Variants in SESN1 observed in about 807,000 individuals in gnomAD.
The protein encoded by SESN1 is sestrin-1.
In SESN1, 30 loss-of-function variants were observed where a neutral mutation model predicts 59.3. That is an observed-to-expected ratio of 0.51 (90% CI 0.38 to 0.69). SESN1 has a LOEUF of 0.69. Among genes scored for constraint, SESN1 ranks in the 30% least tolerant of loss-of-function variants. The pLI, the probability that SESN1 is intolerant of heterozygous loss-of-function variation, is 0.00. For missense variants in SESN1, 566 were observed against 673.0 expected (o/e 0.84, Z 1.76); for synonymous variants, 197 against 219.9 (o/e 0.90, Z 0.92).
intron 1 of SESN1, among the ~76,000 whole-genome samples, chr6:109,004,648 T>C (rs1779694017): frequency 6.6e-6 from 1 of 152,256 alleles, no homozygotes; most frequent in Admixed American, 6.5e-5. Flanking sequence ...GCCAGGATGG[T>C]CTCAATCTCC....
chr6:109,006,969 A>G (rs1431684697), intron 1 of SESN1, among the ~76,000 whole-genome samples: 1 of 152,234 alleles, frequency 6.6e-6, no homozygotes, highest in East Asian at 1.9e-4. Context: ...ACTGCCACCA[A>G]CAAATGGCCT....
intron 1 of SESN1, among the ~76,000 whole-genome samples, chr6:109,041,685 C>G (rs959560611): frequency 9.9e-5 from 15 of 151,432 alleles, no homozygotes; most frequent in African/African-American, 2.7e-4. Context: ...CCAAACAGAG[C>G]TGTAAAATAT....
chr6:109,080,626 G>A (rs1401610981), intron 1 of SESN1, among the ~76,000 whole-genome samples: 2 of 152,188 alleles, frequency 1.3e-5, no homozygotes, highest in African/African-American at 4.8e-5. Context: ...TACCTTGAAG[G>A]AAAACAATTT....
At chr6:109,052,868 C>A (rs1216470170) in intron 1 of SESN1, among the ~76,000 whole-genome samples, 1 of 152,138 alleles carries the variant, frequency 6.6e-6, no homozygotes, top group Non-Finnish European at 1.5e-5. Context: ...AGACTAAGTA[C>A]TGAGAATAGG....
At chr6:109,006,466 A>C in intron 1 of SESN1, among the ~76,000 whole-genome samples, 1 of 108,068 alleles carries the variant, frequency 9.3e-6, no homozygotes, top group Admixed American at 1.1e-4. Context: ...ACCCCACGAC[A>C]GGCCCCGGTG....
At position 109,021,440 on chromosome 6, in the gene SESN1, G is replaced by C. The variant is rs1780008693; in HGVS notation, c.280-19097C>G. On this transcript the variant is annotated intron_variant, in intron 1 of 9. Coordinates refer to ENST00000436639, the MANE Select transcript of SESN1 (RefSeq NM_014454.3). ...GACTAGCTCTAGGTTTTATTTATCA[G>C]TCATATCTTGCCTCATCCTTCTTTT... 2.0e-5 allele frequency among the ~76,000 whole-genome samples: 3 copies of C among 152,046 alleles called. No homozygotes were observed. The South Asian group carries it at 6.2e-4, about 32-fold the overall frequency.
chr6:109,069,235 T>A (rs564601536), intron 1 of SESN1, among the ~76,000 whole-genome samples: 1 of 152,114 alleles, frequency 6.6e-6, no homozygotes, highest in South Asian at 2.1e-4. Context: ...CCATACTATT[T>A]TTTGAACTAT....
intron 1 of SESN1, among the ~76,000 whole-genome samples, chr6:109,027,271 G>C (rs1164990049): frequency 6.6e-6 from 1 of 151,234 alleles, no homozygotes; most frequent in Non-Finnish European, 1.5e-5. Context: ...TCAGGAGTTC[G>C]AGACCAGTCT....
chr6:108,992,379 G>A (rs1262213151), intron 7 of SESN1, among the ~76,000 whole-genome samples: 1 of 152,076 alleles, frequency 6.6e-6, no homozygotes, highest in Non-Finnish European at 1.5e-5. Flanking sequence ...AGCCTCCCAA[G>A]GTGCTGGGAT....
intron 1 of SESN1, among the ~76,000 whole-genome samples, chr6:109,045,832 T>C (rs1441678402): frequency 6.6e-6 from 1 of 152,206 alleles, no homozygotes; most frequent in Non-Finnish European, 1.5e-5. Context: ...TATCTGTTTC[T>C]CCAGTGTCTG....
At chr6:109,005,114 G>C (rs149061095) in intron 1 of SESN1, among the ~76,000 whole-genome samples, 1 of 152,182 alleles carries the variant, frequency 6.6e-6, no homozygotes, top group Non-Finnish European at 1.5e-5. Flanking sequence ...AATGCCATAC[G>C]TAAAAGGATA....
At chr6:109,063,132 T>A (rs1173352726) in intron 1 of SESN1, among the ~76,000 whole-genome samples, 2 of 151,958 alleles carry the variant, frequency 1.3e-5, no homozygotes, top group Non-Finnish European at 2.9e-5. Context: ...GTCCCAGGAG[T>A]CACCCTGTAG....
At chr6:109,006,884 C>T (rs1388163416) in intron 1 of SESN1, among the ~76,000 whole-genome samples, 1 of 152,120 alleles carries the variant, frequency 6.6e-6, no homozygotes, top group Admixed American at 6.5e-5. Context: ...TCAATTATTC[C>T]TTCATCTGTA....
intron 1 of SESN1, chr6:109,009,645 G>A: frequency 3.8e-6 from 3 of 799,154 alleles, no homozygotes; most frequent in Non-Finnish European, 4.6e-6. Context: ...AAGCCAATGC[G>A]GGCTCGCGTC....
At chr6:109,086,890 T>C (rs1039413295) in intron 1 of SESN1, among the ~76,000 whole-genome samples, 2 of 152,144 alleles carry the variant, frequency 1.3e-5, no homozygotes, top group Non-Finnish European at 2.9e-5. Context: ...TCCCAGCACT[T>C]TGGGAGGCCG....
At chr6:109,044,174 G>A (rs1780385181) in intron 1 of SESN1, among the ~76,000 whole-genome samples, 1 of 151,450 alleles carries the variant, frequency 6.6e-6, no homozygotes, top group Non-Finnish European at 1.5e-5. Context: ...AATTATCCAG[G>A]CATAGTGGCA....
chr6:108,994,140 TAAAAAAAAA>T (rs764125940), intron 6 of SESN1, among the ~76,000 whole-genome samples: 3 of 100,266 alleles, frequency 3.0e-5, no homozygotes, highest in Non-Finnish European at 6.1e-5. Context: ...CCCTGTTTCT[TAAAAAAAAA>T]AAAAAAAAAA....
At chr6:109,042,068 A>G (rs925089684) in intron 1 of SESN1, among the ~76,000 whole-genome samples, 2 of 152,136 alleles carry the variant, frequency 1.3e-5, no homozygotes, top group Non-Finnish European at 2.9e-5. Context: ...GGAAGCCTGG[A>G]CACATTTGCA....
intron 1 of SESN1, chr6:109,009,563 C>CGG: frequency 9.3e-7 from 1 of 1,071,344 alleles, no homozygotes; most frequent in Non-Finnish European, 1.1e-6. Flanking sequence ...GGCGGGGGGG[C>CGG]GGGGCGGCGC....
Sources: allele counts gnomAD v4.1 joint callset (sites outside exome capture counted in the v4.1 genomes callset), GRCh38; gene constraint gnomAD v4.1.1; transcripts MANE v1.5; gene names NCBI Gene and HGNC (gene_info 2026-07-23, HGNC 2026-07-21).